LRRC71: variants seen among roughly 807,000 people sequenced by gnomAD.
The protein encoded by LRRC71 is leucine-rich repeat-containing protein 71.
LRRC71 carries 54 observed loss-of-function variants against 66.6 expected under a neutral mutation model. The ratio of observed to expected loss-of-function variants is 0.81; its 90% CI spans 0.65 to 1.02. The LOEUF is 1.02. LRRC71 is among the 50% of genes least tolerant of loss of function. LRRC71 has a pLI of 0.00. For missense variants in LRRC71, 724 were observed against 718.0 expected, an observed-to-expected ratio of 1.01 and a Z score of -0.10; for synonymous variants, 323 against 303.9, an observed-to-expected ratio of 1.06 and a Z score of -0.65.
At chr1:156,927,420 C>T (rs1653370811) in intron 6 of LRRC71, 76 bp from the exon 7 acceptor site, 3 of 1,515,468 alleles carry the variant, frequency 2.0e-6, no homozygotes, top group African/African-American at 1.4e-5. Flanking sequence ...CCCCCTCAAG[C>T]GCTCAAGTCT....
Position 156,927,938 on chromosome 1 carries a change from A to C in LRRC71, c.930A>C (p.Thr310=), listed in dbSNP as rs765824831. 9 of 1,612,118 alleles carry C rather than the reference A, an allele frequency of 5.6e-6. No homozygotes were observed. The Admixed American group carries it at 1.5e-4, about 27-fold the overall frequency. ...LAEVLRAFEL[T]HTEVVERRRL... is the part of the protein sequence containing the mutation. The stretch of plus-strand genomic sequence containing the variant: ...AGGTCCTGCGCGCCTTCGAGCTGAC[A>C]CACACCGAAGTGGTGGAGCGCCGAC... The change falls in exon 9 of 15, where the codon ACA becomes ACC. Residue 310 remains threonine (T), a synonymous_variant. Transcript: ENST00000337428.
Position 156,922,249 on chromosome 1 carries a change from G to A in LRRC71, c.160+1286G>A, listed in dbSNP as rs115092323. On this transcript the variant is annotated intron_variant, in intron 1 of 14. Coordinates refer to ENST00000337428, the MANE Select transcript of LRRC71 (RefSeq NM_144702.3). ...CTCAAGGAGGCAGGGAGTATAATTA[G>A]AGAAGAGGAGAGGGCTCAGGATCCA... Among the ~76,000 whole-genome samples the A allele has an allele frequency of 5.3e-3, 813 of 152,298 alleles. 10 individuals carry two copies. Among genetic ancestry groups the A allele is most frequent in the African/African-American group, 0.019 (777 of 41,562 alleles).
chr1:156,930,489 A>G (rs1432582215), intron 11 of LRRC71, 40 bp from the exon 12 acceptor site: 1 of 1,514,942 alleles, frequency 6.6e-7, no homozygotes, highest in Admixed American at 2.0e-5. Context: ...GTGGTATCAG[A>G]AGTGTGCACT....
the LRRC71 span, chr1:156,939,453 CAGGGGGAGTAT>C: frequency 2.8e-4 from 442 of 1,562,986 alleles, 1 homozygote; most frequent in Middle Eastern, 5.3e-3. Flanking sequence ...ACACGGTACC[CAGGGGGAGTAT>C]AGGGAAGGAA....
chr1:156,935,877 C>G, downstream of LRRC71: 1 of 1,169,354 alleles, frequency 8.6e-7, no homozygotes, highest in South Asian at 1.6e-5. Context: ...TGGCTGGATC[C>G]TAGTTTCCCT....
At chr1:156,936,684 G>A (rs1448605268), downstream of LRRC71, 3 of 1,080,988 alleles carry the variant, frequency 2.8e-6, no homozygotes, top group Admixed American at 2.3e-5. Flanking sequence ...GAAGCTGAGA[G>A]AATGAACTCG....
At chr1:156,937,706 C>G (rs1314650175), downstream of LRRC71, among the ~76,000 whole-genome samples, 1 of 152,188 alleles carries the variant, frequency 6.6e-6, no homozygotes, top group African/African-American at 2.4e-5. Context: ...CTCAGTCTGG[C>G]CCCAAGCTGG....
At chr1:156,940,288 T>A in the LRRC71 span, 1 of 1,613,448 alleles carries the variant, frequency 6.2e-7, no homozygotes, top group Non-Finnish European at 8.5e-7. Context: ...CTTGTCCTGA[T>A]GCCCCTGTTC....
intron 14 of LRRC71, 32 bp from the exon 15 acceptor site, chr1:156,932,821 T>C (rs1654590052): frequency 1.9e-6 from 3 of 1,555,934 alleles, no homozygotes; most frequent in South Asian, 1.1e-5. Flanking sequence ...TTCATTCCTC[T>C]TGTCAGATGT....
At chr1:156,937,651 A>G (rs1655769795), downstream of LRRC71, among the ~76,000 whole-genome samples, 1 of 152,164 alleles carries the variant, frequency 6.6e-6, no homozygotes, top group Admixed American at 6.5e-5. Flanking sequence ...ACTGTCTGCC[A>G]GCCCCCTAAA....
At chr1:156,939,786 G>A in the LRRC71 span, 1 of 1,613,970 alleles carries the variant, frequency 6.2e-7, no homozygotes, top group Admixed American at 1.7e-5. Flanking sequence ...GGTCCCAGGG[G>A]TGAGAGGTGA....
the LRRC71 span, chr1:156,939,627 C>T: frequency 6.2e-7 from 1 of 1,613,762 alleles, no homozygotes; most frequent in Non-Finnish European, 8.5e-7. Flanking sequence ...GTTCTGGAGA[C>T]TCCCATATCC....
intron 9 of LRRC71, 24 bp from the exon 10 acceptor site, chr1:156,929,256 C>G (rs756625582): frequency 6.3e-7 from 1 of 1,583,428 alleles, no homozygotes; most frequent in Non-Finnish European, 8.6e-7. Flanking sequence ...TTCTTCCCCC[C>G]TTCCCTCCCA....
At chr1:156,936,045 G>T (rs751203515), downstream of LRRC71, 1 of 1,614,044 alleles carries the variant, frequency 6.2e-7, no homozygotes, top group Non-Finnish European at 8.5e-7. Context: ...TGTCTTCCAG[G>T]GGGGCGTCAG....
chr1:156,939,954 C>T, the LRRC71 span: 1 of 1,587,560 alleles, frequency 6.3e-7, no homozygotes, highest in Non-Finnish European at 8.5e-7. Context: ...TGGGACTGCA[C>T]ACCACGCCAG....
Position 156,924,458 on chromosome 1 carries a change from T to A in LRRC71, c.345T>A (p.Asn115Lys). 6.4e-7 allele frequency: 1 copy of A among 1,551,240 alleles called. No individual in the cohort carries two copies. The highest frequency in any genetic ancestry group is 8.7e-7 in the Non-Finnish European group (1 of 1,146,980). ...GGCTGTCGGGGTCCTGCAGCCTCAATAGCCTGGAGAGCAAATACGTGTTCT... is the reference window on the plus strand; with the variant it reads ...GGCTGTCGGGGTCCTGCAGCCTCAAAAGCCTGGAGAGCAAATACGTGTTCT... Reference protein sequence around the residue: ...DPRLSGSCSLNSLESKYVFFR... With the variant: ...DPRLSGSCSLKSLESKYVFFR... Residue 115 changes from asparagine to lysine, a missense_variant, in exon 3 of 15, where the codon AAT (asparagine) becomes AAA (lysine). Transcript: ENST00000337428.
At chr1:156,939,664 T>C in the LRRC71 span, 1 of 1,614,024 alleles carries the variant, frequency 6.2e-7, no homozygotes, top group East Asian at 2.2e-5. Flanking sequence ...TGGGGGTAGG[T>C]GTTCCAGAGA....
the LRRC71 span, among the ~76,000 whole-genome samples, chr1:156,940,907 C>T: frequency 6.6e-6 from 1 of 152,192 alleles, no homozygotes; most frequent in African/African-American, 2.4e-5. Context: ...CCCAAGACCC[C>T]AGGTTATTTC....
intron 1 of LRRC71, chr1:156,921,622 G>A: frequency 1.0e-6 from 1 of 984,986 alleles, no homozygotes; most frequent in Non-Finnish European, 1.2e-6. Context: ...TGGGGAGAAG[G>A]AATTATAGGA....
Sources: allele counts gnomAD v4.1 joint callset (sites outside exome capture counted in the v4.1 genomes callset), GRCh38; gene constraint gnomAD v4.1.1; transcripts MANE v1.5; gene names NCBI Gene and HGNC (gene_info 2026-07-23, HGNC 2026-07-21).